Variants in HMCN1 observed in about 807,000 individuals in gnomAD.
HMCN1 encodes the protein hemicentin-1.
A neutral mutation model predicts 625.9 loss-of-function variants in HMCN1; 321 were observed. That is an observed-to-expected ratio of 0.51 (90% CI 0.47 to 0.56). HMCN1 has a LOEUF of 0.56. HMCN1 is among the 20% of genes least tolerant of loss of function. HMCN1 has a pLI of 0.00. For synonymous variants in HMCN1, 2,425 were observed against 2,417.6 expected (o/e 1.00, Z -0.09); for missense variants, 6,588 against 6,887.3 (o/e 0.96, Z 1.54).
chr1:186,117,634 G>A lies in HMCN1; in HGVS notation c.11848+11G>A, dbSNP rs756266646. The A allele has an allele frequency of 3.1e-6, 5 of 1,611,122 alleles. No homozygotes were observed. Among genetic ancestry groups the A allele is most frequent in the Non-Finnish European group, 4.2e-6 (5 of 1,177,540 alleles). On this transcript the variant is annotated intron_variant, in intron 77 of 106. Transcript: ENST00000271588. The stretch of plus-strand genomic sequence containing the variant: ...GAATTCTGTCCTCAGGTAAGACCAA[G>A]CTCAGTGATTTCACATCTATTGATT...
At chr1:185,771,065 AT>A (rs1467654531) in intron 1 of HMCN1, among the ~76,000 whole-genome samples, 1 of 152,186 alleles carries the variant, frequency 6.6e-6, no homozygotes, top group Non-Finnish European at 1.5e-5. Flanking sequence ...TAGCATTGTT[AT>A]TCAAATCCCA....
chr1:185,893,392 G>A (rs1034469294), intron 4 of HMCN1, among the ~76,000 whole-genome samples: 2 of 152,182 alleles, frequency 1.3e-5, no homozygotes, highest in African/African-American at 4.8e-5. Context: ...TATTATATAG[G>A]TTGATTGGAA....
chr1:185,915,019 G>A (rs987192486), intron 6 of HMCN1, among the ~76,000 whole-genome samples: 4 of 151,966 alleles, frequency 2.6e-5, no homozygotes, highest in East Asian at 1.9e-4. Context: ...ATACGTTTAC[G>A]ATTTAAAATG....
chr1:185,907,075 G>C (rs1022552633), intron 4 of HMCN1, among the ~76,000 whole-genome samples: 1 of 151,050 alleles, frequency 6.6e-6, no homozygotes, highest in East Asian at 2.0e-4. Context: ...GTTACAGTCA[G>C]TCTGGTCTGT....
At chr1:185,747,832 A>C (rs4651287) in intron 1 of HMCN1, among the ~76,000 whole-genome samples, 51,178 of 151,822 alleles carry the variant, frequency 0.34, 10,080 homozygotes, top group African/African-American at 0.54. Flanking sequence ...ATTAGCAGTA[A>C]GTCTCTGAGA....
chr1:185,789,880 C>T (rs1657876816), intron 1 of HMCN1, among the ~76,000 whole-genome samples: 1 of 152,124 alleles, frequency 6.6e-6, no homozygotes, highest in African/African-American at 2.4e-5. Flanking sequence ...CTATTTTTTC[C>T]CCCTATCTCT....
intron 6 of HMCN1, among the ~76,000 whole-genome samples, chr1:185,914,008 A>G (rs774044694): frequency 2.0e-5 from 3 of 152,126 alleles, no homozygotes; most frequent in Non-Finnish European, 4.4e-5. Flanking sequence ...CACAGTATCT[A>G]TTATTATTTT....
intron 48 of HMCN1, among the ~76,000 whole-genome samples, chr1:186,063,066 G>GTGTATATATATATATATA (rs1491400415): frequency 1.3e-4 from 4 of 29,932 alleles, no homozygotes; most frequent in Admixed American, 3.2e-4. Context: ...GTGTGTGTGT[G>GTGTATATATATATATATA]CATATATATA....
At chr1:186,163,811 C>A (rs574515230) in intron 97 of HMCN1, among the ~76,000 whole-genome samples, 17 of 152,268 alleles carry the variant, frequency 1.1e-4, no homozygotes, top group African/African-American at 3.9e-4. Flanking sequence ...TGCCATGAGT[C>A]CTGTCCCACT....
At chr1:185,997,322 G>T in intron 24 of HMCN1, 107 bp from the exon 25 acceptor site, 4 of 749,030 alleles carry the variant, frequency 5.3e-6, no homozygotes, top group South Asian at 1.5e-5. Context: ...TTTAAAAGAA[G>T]AATCAGCAGA....
At chr1:185,828,122 A>G (rs1660636222) in intron 1 of HMCN1, among the ~76,000 whole-genome samples, 1 of 152,200 alleles carries the variant, frequency 6.6e-6, no homozygotes, top group Admixed American at 6.5e-5. Context: ...AGTATACAAC[A>G]AAAATACTAA....
At chr1:185,955,391 TA>T (rs960802639) in intron 11 of HMCN1, among the ~76,000 whole-genome samples, 123 of 152,220 alleles carry the variant, frequency 8.1e-4, no homozygotes, top group African/African-American at 2.9e-3. Flanking sequence ...AAAAAAGAAA[TA>T]AAAATTTTTC....
At chr1:185,942,139 C>T (rs1365373155) in intron 11 of HMCN1, among the ~76,000 whole-genome samples, 1 of 145,438 alleles carries the variant, frequency 6.9e-6, no homozygotes, top group African/African-American at 2.6e-5. Context: ...TGTAGTGAGC[C>T]GAGATCACGC....
chr1:185,877,062 C>T (rs951429260), intron 4 of HMCN1, among the ~76,000 whole-genome samples: 14 of 151,864 alleles, frequency 9.2e-5, no homozygotes, highest in African/African-American at 3.1e-4. Flanking sequence ...AAGTATTTAA[C>T]CCATCTTGAG....
At chr1:185,925,319 C>A in intron 9 of HMCN1, 128 bp downstream of exon 9, 1 of 862,634 alleles carries the variant, frequency 1.2e-6, no homozygotes, top group East Asian at 2.6e-5. Context: ...TAGCAGTGAA[C>A]AAAATGGACA....
intron 46 of HMCN1, among the ~76,000 whole-genome samples, chr1:186,060,783 G>A (rs1657637771): frequency 6.6e-6 from 1 of 151,938 alleles, no homozygotes; most frequent in Non-Finnish European, 1.5e-5. Flanking sequence ...TGAAAGTAAT[G>A]GTAATATATT....
At chr1:186,003,343 AT>A (rs1232800305) in intron 28 of HMCN1, among the ~76,000 whole-genome samples, 2 of 152,162 alleles carry the variant, frequency 1.3e-5, no homozygotes, top group East Asian at 3.8e-4. Context: ...TAGAATTTGA[AT>A]GTTATAAGAG....
intron 40 of HMCN1, among the ~76,000 whole-genome samples, chr1:186,044,713 A>G (rs1656448393): frequency 6.6e-6 from 1 of 152,158 alleles, no homozygotes; most frequent in Non-Finnish European, 1.5e-5. Flanking sequence ...GGGTTTCATG[A>G]AAAATGGCCA....
chr1:185,999,591 T>C (rs1653036691), intron 25 of HMCN1, among the ~76,000 whole-genome samples: 2 of 152,292 alleles, frequency 1.3e-5, no homozygotes, highest in East Asian at 1.9e-4. Flanking sequence ...AAGGGAATTA[T>C]AAAACATCGT....
Sources: allele counts gnomAD v4.1 joint callset (sites outside exome capture counted in the v4.1 genomes callset), GRCh38; gene constraint gnomAD v4.1.1; transcripts MANE v1.5; gene names NCBI Gene and HGNC (gene_info 2026-07-23, HGNC 2026-07-21).